CKAP5: variants seen among roughly 807,000 people sequenced by gnomAD.
The protein encoded by CKAP5 is cytoskeleton-associated protein 5.
CKAP5 carries 27 observed loss-of-function variants against 232.8 expected under a neutral mutation model. The ratio of observed to expected loss-of-function variants is 0.12; its 90% CI spans 0.09 to 0.16. The LOEUF (loss-of-function observed/expected upper bound fraction) is 0.16, where lower values mean the gene tolerates loss of function less well. Among genes scored for constraint, CKAP5 ranks in the 10% least tolerant of loss-of-function variants. CKAP5 has a pLI of 1.00. For synonymous variants in CKAP5, 785 were observed against 841.1 expected (o/e 0.93, Z 1.16); for missense variants, 1,838 against 2,424.7 (o/e 0.76, Z 5.08).
At chr11:46,760,383 C>A (rs191795208) in intron 33 of CKAP5, 3 of 670,806 alleles carry the variant, frequency 4.5e-6, no homozygotes, top group Non-Finnish European at 8.2e-6. Context: ...ATTCTGTCCA[C>A]GGAAAAGCAG....
chr11:46,818,568 T>TG (rs67178247), intron 2 of CKAP5, 65 bp from the exon 3 acceptor site: 58 of 1,016,214 alleles, frequency 5.7e-5, no homozygotes, highest in South Asian at 1.9e-4. Context: ...ACTATTAATC[T>TG]GGGGGGGGAG....
rs2065003336 is a variant in CKAP5 at position 46,743,920 on chromosome 11, A to G, written c.*103T>C. 7 of 1,439,364 alleles carry G rather than the reference A, an allele frequency of 4.9e-6. No individual in the cohort carries two copies. In the Admixed American group the frequency reaches 9.0e-5, roughly 18 times the overall value. 89.2% of individuals were successfully genotyped at this position (1,439,364 alleles called of 1,614,324 possible). On this transcript the variant is annotated 3_prime_UTR_variant, in exon 44 of 44. Transcript: ENST00000529230. Reference sequence around the variant, plus strand: ...CCCCTAGCTCCACGGCATGATACATACAACCAGTTTGTATACACTAGGCCT... The same window carrying G: ...CCCCTAGCTCCACGGCATGATACATGCAACCAGTTTGTATACACTAGGCCT...
chr11:46,840,003 G>A (rs997150936), intron 1 of CKAP5, among the ~76,000 whole-genome samples: 3 of 152,056 alleles, frequency 2.0e-5, no homozygotes, highest in Non-Finnish European at 4.4e-5. Flanking sequence ...GCATGTGCCT[G>A]TAGGCCCACC....
Position 46,750,438 on chromosome 11 carries a change from T to C in CKAP5, c.5545-5A>G, listed in dbSNP as rs746324296. On this transcript the variant is annotated splice_region_variant and splice_polypyrimidine_tract_variant and intron_variant, in intron 41 of 43. Coordinates refer to ENST00000529230, the MANE Select transcript of CKAP5 (RefSeq NM_001008938.4). Reference sequence around the variant, plus strand: ...TTCATATAACTCTGCTAGTCCCTGGTGAACAGGAAAAGGGAAGAGGTGGGG... The same window carrying C: ...TTCATATAACTCTGCTAGTCCCTGGCGAACAGGAAAAGGGAAGAGGTGGGG... 5 of 1,614,002 alleles carry C rather than the reference T, an allele frequency of 3.1e-6. No individual in the cohort carries two copies. The South Asian group carries it at 3.3e-5, about 11-fold the overall frequency.
chr11:46,752,358 C>A lies in CKAP5; in HGVS notation c.5133+277G>T, dbSNP rs947413039. On this transcript the variant is annotated intron_variant, in intron 38 of 43. Transcript: ENST00000529230. ...TTAAGAGATGGGGTCTCACTGTTGCCAAGGCTGGAGTGTAGTGGTATGATC... is the reference window on the plus strand; with the variant it reads ...TTAAGAGATGGGGTCTCACTGTTGCAAAGGCTGGAGTGTAGTGGTATGATC... 2.0e-5 allele frequency among the ~76,000 whole-genome samples: 3 copies of A among 150,180 alleles called. No individual in the cohort carries two copies. The Admixed American group carries it at 2.0e-4, about 10-fold the overall frequency.
At position 46,759,500 on chromosome 11, in the gene CKAP5, G is replaced by A. The variant is rs1025220992; in HGVS notation, c.4395-58C>T. 6 of 1,507,650 alleles carry A rather than the reference G, an allele frequency of 4.0e-6. No individual in the cohort carries two copies. In the East Asian group the frequency reaches 1.4e-4, roughly 34 times the overall value. 93.4% of individuals were successfully genotyped at this position (1,507,650 alleles called of 1,614,324 possible). A position where few individuals can be genotyped will look rare whatever the true frequency, so the allele number is the denominator to read the frequency against. On this transcript the variant is annotated intron_variant, in intron 33 of 43. Coordinates refer to ENST00000529230, the MANE Select transcript of CKAP5 (RefSeq NM_001008938.4). ...AAGAGACTTCTTAACCAAAGGGCAA[G>A]AGTAGCACTGTCAGTTGCCCCAAAG...
chr11:46,770,321 TCAG>T (rs1565726562), intron 25 of CKAP5: 1 of 561,206 alleles, frequency 1.8e-6, no homozygotes, highest in African/African-American at 1.9e-5. Flanking sequence ...CCCTGTGAGG[TCAG>T]CAGATTTTTA....
intron 33 of CKAP5, 59 bp from the exon 34 acceptor site, chr11:46,759,501 A>G (rs969218071): frequency 2.3e-5 from 35 of 1,511,506 alleles, no homozygotes; most frequent in Non-Finnish European, 3.0e-5. Flanking sequence ...AAAGGGCAAG[A>G]GTAGCACTGT....
chr11:46,782,021 C>T (rs1308729549), intron 18 of CKAP5, among the ~76,000 whole-genome samples: 1 of 152,040 alleles, frequency 6.6e-6, no homozygotes, highest in Non-Finnish European at 1.5e-5. Context: ...AGCAGGGTTT[C>T]TCCATGTTGG....
intron 1 of CKAP5, among the ~76,000 whole-genome samples, chr11:46,824,734 G>C (rs1939613713): frequency 6.6e-6 from 1 of 152,194 alleles, no homozygotes; most frequent in Non-Finnish European, 1.5e-5. Context: ...AAAGTTAAAA[G>C]TATCATATAG....
chr11:46,806,713 G>A (rs965076456), intron 8 of CKAP5, among the ~76,000 whole-genome samples: 10 of 152,132 alleles, frequency 6.6e-5, no homozygotes, highest in African/African-American at 2.2e-4. Flanking sequence ...CATCATTCAC[G>A]AATCCATATT....
chr11:46,761,126 G>A (rs972912700), intron 32 of CKAP5, among the ~76,000 whole-genome samples: 4 of 151,900 alleles, frequency 2.6e-5, no homozygotes, highest in African/African-American at 7.3e-5. Context: ...GCACGCGCCT[G>A]TAGTCCTTGC....
In CKAP5 at chr11:46,776,437, G is replaced by A. The variant is rs1386790817; in HGVS notation, c.2863-54C>T. The A allele has an allele frequency of 3.4e-6, 5 of 1,491,798 alleles. No homozygotes were observed. The Admixed American group carries it at 5.9e-5, about 17-fold the overall frequency. The allele number at this position is 1,491,798 out of a possible 1,614,324, so 92.4% of individuals were successfully genotyped here. On this transcript the variant is annotated intron_variant, in intron 23 of 43. Coordinates refer to ENST00000529230, the MANE Select transcript of CKAP5 (RefSeq NM_001008938.4). ...AATATCTACTACAGTTTGGAGGTAG[G>A]GGGTGATCACTGTTGCTTTATGAAC...
At chr11:46,784,025 G>C (rs7941964) in intron 17 of CKAP5, among the ~76,000 whole-genome samples, 1 of 151,546 alleles carries the variant, frequency 6.6e-6, no homozygotes, top group East Asian at 2.0e-4. Flanking sequence ...TGACTAAGAT[G>C]AATTTTCATC....
intron 24 of CKAP5, among the ~76,000 whole-genome samples, chr11:46,771,391 T>G (rs1448137706): frequency 6.6e-6 from 1 of 152,208 alleles, no homozygotes; most frequent in Non-Finnish European, 1.5e-5. Flanking sequence ...CTTCTCTATA[T>G]CCCTAAAATA....
chr11:46,844,325 G>C (rs1311021073), intron 1 of CKAP5, among the ~76,000 whole-genome samples: 7 of 151,964 alleles, frequency 4.6e-5, no homozygotes, highest in Non-Finnish European at 5.9e-5. Context: ...GAGCATAAGA[G>C]CTCCACACCC....
At chr11:46,816,465 C>G (rs1422202021) in intron 3 of CKAP5, 61 bp from the exon 4 acceptor site, 1 of 1,322,362 alleles carries the variant, frequency 7.6e-7, no homozygotes, top group African/African-American at 1.5e-5. Context: ...AAAAAGGTCA[C>G]GGAAAGGGGG....
intron 41 of CKAP5, 31 bp downstream of exon 41, chr11:46,750,496 AC>A (rs1468914615): frequency 1.2e-6 from 2 of 1,611,662 alleles, no homozygotes. Context: ...CATAAAGCAG[AC>A]CCCTATTCTG....
At chr11:46,839,478 G>C (rs922679635) in intron 1 of CKAP5, among the ~76,000 whole-genome samples, 1 of 152,144 alleles carries the variant, frequency 6.6e-6, no homozygotes, top group Non-Finnish European at 1.5e-5. Context: ...ATTAGATTAA[G>C]AACTCAATTT....
Sources: gnomAD v4.1 joint callset for allele counts (sites outside exome capture counted in the v4.1 genomes callset) on GRCh38, gnomAD v4.1.1 for gene constraint, MANE v1.5 for transcripts, NCBI Gene and HGNC (gene_info 2026-07-23, HGNC 2026-07-21) for gene names.